The following UGT8 variants were observed in gnomAD, a reference collection of about 807,000 sequenced individuals.
UGT8 encodes 2-hydroxyacylsphingosine 1-beta-galactosyltransferase.
A neutral mutation model predicts 40.5 loss-of-function variants in UGT8; 12 were observed. The observed-to-expected ratio is 0.30, with a 90% confidence interval of 0.19 to 0.48. UGT8 has a LOEUF of 0.48. Ranked by LOEUF, UGT8 falls within the 20% of genes least tolerant of loss-of-function variation. The pLI is 0.99. For synonymous variants in UGT8, 224 were observed against 240.4 expected, an observed-to-expected ratio of 0.93 and a Z score of 0.63; for missense variants, 513 against 648.7, an observed-to-expected ratio of 0.79 and a Z score of 2.27.
chr4:114,661,991 T>C (rs1481768337), intron 2 of UGT8, among the ~76,000 whole-genome samples: 2 of 152,208 alleles, frequency 1.3e-5, no homozygotes, highest in Non-Finnish European at 2.9e-5. Context: ...TCTGCTCTTG[T>C]TTATTTCAAT....
chr4:114,649,436 C>A (rs758319187), intron 2 of UGT8, among the ~76,000 whole-genome samples: 3 of 152,120 alleles, frequency 2.0e-5, no homozygotes, highest in Non-Finnish European at 4.4e-5. Context: ...TAGCTATACA[C>A]AGTGGAAGTT....
chr4:114,675,947 C>T lies in UGT8; in HGVS notation c.1285C>T (p.Leu429Phe), dbSNP rs1368739961. The change falls in exon 6 of 6, where the codon CTT (leucine) becomes TTT (phenylalanine). Residue 429 changes from leucine (L) to phenylalanine (F), a missense_variant. Leu to Phe is a conservative substitution (Grantham distance 22). Coordinates refer to ENST00000310836, the MANE Select transcript of UGT8 (RefSeq NM_001128174.3). The stretch of plus-strand genomic sequence containing the variant: ...TAGCTACCGTCAGAGGGCTCAGAAG[C>T]TTTCGGAAATTCACAAGGATCAACC... The part of the protein sequence containing the change: ...NPSYRQRAQK[L>F]SEIHKDQPGH... The T allele has an allele frequency of 1.2e-6, 2 of 1,613,508 alleles. No homozygotes were observed. The highest frequency in any genetic ancestry group is 1.7e-6 in the Non-Finnish European group (2 of 1,179,612).
At chr4:114,609,810 T>G (rs973689887) in intron 1 of UGT8, among the ~76,000 whole-genome samples, 8 of 152,174 alleles carry the variant, frequency 5.3e-5, no homozygotes, top group Non-Finnish European at 1.2e-4. Context: ...CCCCTACTAC[T>G]CCATCCAAAG....
chr4:114,660,142 G>A (rs1480271316), intron 2 of UGT8, among the ~76,000 whole-genome samples: 1 of 152,038 alleles, frequency 6.6e-6, no homozygotes, highest in African/African-American at 2.4e-5. Context: ...CTTGAAGTGA[G>A]AAAAGCTTGC....
chr4:114,673,307 C>G (rs1735416038), intron 5 of UGT8, among the ~76,000 whole-genome samples: 1 of 152,208 alleles, frequency 6.6e-6, no homozygotes, highest in Non-Finnish European at 1.5e-5. Context: ...ACCTGCCCCT[C>G]AAAAATTTAT....
At chr4:114,657,285 A>G (rs914701521) in intron 2 of UGT8, among the ~76,000 whole-genome samples, 4 of 152,078 alleles carry the variant, frequency 2.6e-5, no homozygotes, top group African/African-American at 9.7e-5. Context: ...AATTTTGCTT[A>G]CTTATTTTAA....
chr4:114,616,813 T>C (rs1361032715), intron 1 of UGT8, among the ~76,000 whole-genome samples: 1 of 152,214 alleles, frequency 6.6e-6, no homozygotes, highest in Non-Finnish European at 1.5e-5. Flanking sequence ...AGGGGATTTA[T>C]AAAATTCTAT....
chr4:114,611,986 A>C (rs1731122346), intron 1 of UGT8, among the ~76,000 whole-genome samples: 1 of 152,140 alleles, frequency 6.6e-6, no homozygotes, highest in African/African-American at 2.4e-5. Flanking sequence ...TGCCTGCTGA[A>C]GTTTGAGACC....
chr4:114,668,281 A>G lies in UGT8; in HGVS notation c.1239A>G (p.Leu413=), dbSNP rs1018859099. The part of the protein sequence containing the change: ...TVTEKELYEA[L]VKVINNPSYR... ...CTGAAAAAGAGCTCTATGAAGCACT[A>G]GTGAAGGTTATCAATAATCCCAGGT... The change falls in exon 5 of 6, where the codon CTA becomes CTG. Residue 413 remains leucine, a synonymous_variant. Coordinates refer to ENST00000310836, the MANE Select transcript of UGT8 (RefSeq NM_001128174.3). 6.2e-7 allele frequency: 1 copy of G among 1,613,584 alleles called. No individual in the cohort carries two copies. The highest frequency in any genetic ancestry group is 8.5e-7 in the Non-Finnish European group (1 of 1,179,674).
chr4:114,613,443 G>A (rs1272037499), intron 1 of UGT8, among the ~76,000 whole-genome samples: 5 of 152,108 alleles, frequency 3.3e-5, no homozygotes, highest in African/African-American at 1.2e-4. Context: ...TACTATATGT[G>A]TTTACTACTT....
chr4:114,665,307 C>G (rs1734787436), intron 3 of UGT8: 1 of 856,502 alleles, frequency 1.2e-6, no homozygotes, highest in African/African-American at 1.8e-5. Context: ...ATAGCAGTGG[C>G]AGCTCTCCCT....
intron 4 of UGT8, 145 bp from the exon 5 acceptor site, chr4:114,667,940 G>T: frequency 7.0e-7 from 1 of 1,420,446 alleles, no homozygotes; most frequent in Non-Finnish European, 9.2e-7. Context: ...TTGGTGTAGA[G>T]CAGGAATCAG....
intron 5 of UGT8, among the ~76,000 whole-genome samples, chr4:114,670,678 G>A (rs1735207777): frequency 6.6e-6 from 1 of 151,966 alleles, no homozygotes; most frequent in Non-Finnish European, 1.5e-5. Flanking sequence ...AACAATAAGA[G>A]GTATTTATGA....
At chr4:114,606,635 G>A (rs767009616) in intron 1 of UGT8, among the ~76,000 whole-genome samples, 2 of 152,148 alleles carry the variant, frequency 1.3e-5, no homozygotes, top group African/African-American at 2.4e-5. Context: ...ATCACTGACT[G>A]TTGGTTTTGA....
At chr4:114,602,093 T>G (rs1730477435) in intron 1 of UGT8, among the ~76,000 whole-genome samples, 1 of 152,194 alleles carries the variant, frequency 6.6e-6, no homozygotes, top group Non-Finnish European at 1.5e-5. Flanking sequence ...GTACCTTTTA[T>G]AGAAAAAATT....
At chr4:114,599,118 A>G (rs1348483017) in intron 1 of UGT8, 144 bp downstream of exon 1, 1 of 149,932 alleles carries the variant, frequency 6.7e-6, no homozygotes, top group Admixed American at 6.6e-5. Context: ...GAAAGCACAG[A>G]CAGGGTTGGG....
At chr4:114,598,690 G>A (rs1309760057), upstream of UGT8, 3 of 124,900 alleles carry the variant, frequency 2.4e-5, no homozygotes, top group African/African-American at 8.6e-5. Context: ...CCGCACGCAG[G>A]GCGGGGCGCG....
intron 1 of UGT8, among the ~76,000 whole-genome samples, chr4:114,613,838 T>C (rs1382349788): frequency 6.6e-6 from 1 of 152,194 alleles, no homozygotes; most frequent in African/African-American, 2.4e-5. Context: ...TAGTAAGTAC[T>C]TGAGGTGATT....
At chr4:114,671,970 T>C (rs1291892889) in intron 5 of UGT8, among the ~76,000 whole-genome samples, 1 of 152,122 alleles carries the variant, frequency 6.6e-6, no homozygotes, top group Admixed American at 6.6e-5. Context: ...CTTAAACATA[T>C]TTACAAGAAG....
Sources: gnomAD v4.1 joint callset for allele counts (sites outside exome capture counted in the v4.1 genomes callset) on GRCh38, gnomAD v4.1.1 for gene constraint, MANE v1.5 for transcripts, NCBI Gene and HGNC (gene_info 2026-07-23, HGNC 2026-07-21) for gene names.